Variants in CCDC91 observed in about 807,000 individuals in gnomAD.
CCDC91 encodes coiled-coil domain-containing protein 91.
In CCDC91, 48 loss-of-function variants were observed where a neutral mutation model predicts 63.2. The observed-to-expected ratio is 0.76, with a 90% CI of 0.60 to 0.97. CCDC91 has a LOEUF of 0.97. CCDC91 is among the 50% of genes least tolerant of loss of function. The pLI, the probability that CCDC91 is intolerant of heterozygous loss-of-function variation, is 0.00. For missense variants in CCDC91, 500 were observed against 494.6 expected (o/e 1.01, Z -0.10); for synonymous variants, 167 against 165.8 (o/e 1.01, Z -0.06).
intron 1 of CCDC91, among the ~76,000 whole-genome samples, chr12:28,198,307 G>T (rs1319393241): frequency 6.6e-6 from 1 of 152,136 alleles, no homozygotes. Flanking sequence ...GCAGTGTTAT[G>T]CAAGATCCAT....
At chr12:28,266,051 C>A (rs1227499897) in intron 3 of CCDC91, among the ~76,000 whole-genome samples, 2 of 151,954 alleles carry the variant, frequency 1.3e-5, no homozygotes, top group African/African-American at 4.8e-5. Context: ...TATTAACTCA[C>A]CTTCTTTTAC....
chr12:28,308,322 C>G (rs550200041), intron 6 of CCDC91, among the ~76,000 whole-genome samples: 1 of 152,134 alleles, frequency 6.6e-6, no homozygotes, highest in South Asian at 2.1e-4. Flanking sequence ...GCGCTATTAA[C>G]ATATTGTATA....
intron 8 of CCDC91, among the ~76,000 whole-genome samples, chr12:28,449,277 T>G (rs1468092473): frequency 6.6e-6 from 1 of 152,098 alleles, no homozygotes; most frequent in East Asian, 1.9e-4. Flanking sequence ...TTTAAAATAT[T>G]GGATATCCAA....
At position 28,455,214 on chromosome 12, in the gene CCDC91, G is replaced by A. The variant is rs77047560; in HGVS notation, c.1101+2560G>A. ...TTTTTAGGACTTAATTGTATTTGTTGTCCAAAATTTTCAAATAAGTTTATA... is the reference window on the plus strand; with the variant it reads ...TTTTTAGGACTTAATTGTATTTGTTATCCAAAATTTTCAAATAAGTTTATA... On this transcript the variant is annotated intron_variant, in intron 11 of 12. Transcript: ENST00000536442. Among the ~76,000 whole-genome samples, 12 of 152,010 alleles carry A rather than the reference G, an allele frequency of 7.9e-5. No individual in the cohort carries two copies. In the East Asian group the frequency reaches 1.7e-3, roughly 22 times the overall value.
At chr12:28,513,819 T>C (rs1188601998) in intron 12 of CCDC91, among the ~76,000 whole-genome samples, 2 of 151,942 alleles carry the variant, frequency 1.3e-5, no homozygotes, top group Non-Finnish European at 2.9e-5. Context: ...TACATAGTAT[T>C]CCAGGGTGTA....
chr12:28,502,015 T>C (rs1464500471), intron 12 of CCDC91, among the ~76,000 whole-genome samples: 5 of 152,062 alleles, frequency 3.3e-5, no homozygotes, highest in Non-Finnish European at 7.4e-5. Flanking sequence ...TAGTATTCTC[T>C]GATGGTAGTT....
intron 8 of CCDC91, among the ~76,000 whole-genome samples, chr12:28,434,492 T>C (rs1371443670): frequency 1.3e-5 from 2 of 151,432 alleles, no homozygotes; most frequent in Non-Finnish European, 1.5e-5. Context: ...ATTCTCTTTA[T>C]ACATTGTTGG....
chr12:28,317,667 T>C (rs11049527), intron 6 of CCDC91, among the ~76,000 whole-genome samples: 30,468 of 151,940 alleles, frequency 0.2, 4,003 homozygotes, highest in Non-Finnish European at 0.3. Context: ...ACAAGCTTCA[T>C]TTTTTATTTT....
intron 8 of CCDC91, among the ~76,000 whole-genome samples, chr12:28,433,134 A>G (rs974524553): frequency 6.6e-6 from 1 of 151,902 alleles, no homozygotes; most frequent in Non-Finnish European, 1.5e-5. Context: ...TGATACATCA[A>G]TCTTACGTAT....
intron 7 of CCDC91, among the ~76,000 whole-genome samples, chr12:28,376,717 T>G (rs1944969503): frequency 6.6e-6 from 1 of 151,882 alleles, no homozygotes; most frequent in South Asian, 2.1e-4. Context: ...TTCTCATTTT[T>G]CTTTTCAGAA....
chr12:28,451,688 T>A (rs1949809635), intron 10 of CCDC91, among the ~76,000 whole-genome samples: 1 of 151,704 alleles, frequency 6.6e-6, no homozygotes, highest in Non-Finnish European at 1.5e-5. Flanking sequence ...GATAAATGAT[T>A]CATTCAGATT....
chr12:28,199,744 T>C (rs1361618983), intron 1 of CCDC91, among the ~76,000 whole-genome samples: 1 of 152,260 alleles, frequency 6.6e-6, no homozygotes, highest in Non-Finnish European at 1.5e-5. Context: ...CTTTTTCTTT[T>C]AGGAATTTGA....
chr12:28,259,876 A>G (rs1457409587), intron 3 of CCDC91, among the ~76,000 whole-genome samples: 2 of 151,994 alleles, frequency 1.3e-5, no homozygotes, highest in Non-Finnish European at 1.5e-5. Context: ...ATTAAAAATT[A>G]AATACAAAAA....
At chr12:28,329,973 C>G (rs1592326515) in intron 6 of CCDC91, among the ~76,000 whole-genome samples, 1 of 152,152 alleles carries the variant, frequency 6.6e-6, no homozygotes, top group Admixed American at 6.6e-5. Flanking sequence ...GCATAGTATT[C>G]CATGGTGTAT....
At chr12:28,480,074 C>T (rs1481321669) in intron 11 of CCDC91, among the ~76,000 whole-genome samples, 1 of 151,964 alleles carries the variant, frequency 6.6e-6, no homozygotes, top group African/African-American at 2.4e-5. Flanking sequence ...TTTCTTTCCA[C>T]TTTTCCCAAG....
chr12:28,498,666 A>G (rs1379493126), intron 12 of CCDC91, among the ~76,000 whole-genome samples: 1 of 151,730 alleles, frequency 6.6e-6, no homozygotes, highest in Non-Finnish European at 1.5e-5. Context: ...CTTCTCTCCT[A>G]CCAACCTTAC....
intron 3 of CCDC91, among the ~76,000 whole-genome samples, chr12:28,289,939 G>A (rs566937165): frequency 3.3e-5 from 5 of 151,978 alleles, no homozygotes; most frequent in Admixed American, 6.6e-5. Context: ...TGATCCACCC[G>A]CCTCGGCCTC....
At chr12:28,490,063 A>G (rs1489319625) in intron 12 of CCDC91, among the ~76,000 whole-genome samples, 1 of 151,868 alleles carries the variant, frequency 6.6e-6, no homozygotes, top group Non-Finnish European at 1.5e-5. Context: ...AATTCTTGAT[A>G]TAAATCAGTT....
chr12:28,358,524 A>G (rs1943664184), intron 6 of CCDC91, among the ~76,000 whole-genome samples: 1 of 152,168 alleles, frequency 6.6e-6, no homozygotes, highest in Non-Finnish European at 1.5e-5. Context: ...GTCAAGTAAA[A>G]TTTCACGCTC....
Sources: allele counts gnomAD v4.1 joint callset (sites outside exome capture counted in the v4.1 genomes callset), GRCh38; gene constraint gnomAD v4.1.1; transcripts MANE v1.5; gene names NCBI Gene and HGNC (gene_info 2026-07-23, HGNC 2026-07-21).